JMJD1C: variants seen among roughly 807,000 people sequenced by gnomAD.
The protein encoded by JMJD1C is jumonji domain containing 1C.
A neutral mutation model predicts 245.3 loss-of-function variants in JMJD1C; 31 were observed. The ratio of observed to expected loss-of-function variants is 0.13; its 90% CI spans 0.09 to 0.17. JMJD1C has a LOEUF of 0.17. Ranked by LOEUF, JMJD1C falls within the 10% of genes least tolerant of loss-of-function variation. The probability of loss-of-function intolerance (pLI) is 1.00; values close to 1 mark genes in which losing one functional copy is unlikely to be tolerated. For missense variants in JMJD1C, 2,691 were observed against 3,000.2 expected, an observed-to-expected ratio of 0.90 and a Z score of 2.41; for synonymous variants, 1,057 against 1,017.4, an observed-to-expected ratio of 1.04 and a Z score of -0.74.
At chr10:63,502,096 T>C (rs568069267) in intron 1 of JMJD1C, among the ~76,000 whole-genome samples, 2 of 152,362 alleles carry the variant, frequency 1.3e-5, no homozygotes, top group South Asian at 2.1e-4. Context: ...CATTCATTTC[T>C]ATATTGATTC....
chr10:63,244,770 C>T (rs1851950758), intron 3 of JMJD1C, among the ~76,000 whole-genome samples: 2 of 143,394 alleles, frequency 1.4e-5, no homozygotes, highest in South Asian at 4.3e-4. Flanking sequence ...CCACTGCATT[C>T]CACATCACCC....
At chr10:63,293,553 T>C (rs1430743662) in intron 2 of JMJD1C, among the ~76,000 whole-genome samples, 2 of 152,142 alleles carry the variant, frequency 1.3e-5, no homozygotes, top group Non-Finnish European at 2.9e-5. Context: ...TGTCATAAAA[T>C]AGGGCCTGAA....
At chr10:63,439,691 T>C (rs1951254781) in intron 1 of JMJD1C, among the ~76,000 whole-genome samples, 1 of 152,184 alleles carries the variant, frequency 6.6e-6, no homozygotes, top group African/African-American at 2.4e-5. Context: ...TTATTTTATT[T>C]AGGTAAATAA....
At chr10:63,248,861 T>C (rs1301294100) in intron 3 of JMJD1C, among the ~76,000 whole-genome samples, 1 of 152,222 alleles carries the variant, frequency 6.6e-6, no homozygotes, top group Non-Finnish European at 1.5e-5. Context: ...ATAGGAAATG[T>C]GGTATACGTA....
At chr10:63,209,000 A>G in intron 9 of JMJD1C, 63 bp downstream of exon 9, 1 of 1,394,128 alleles carries the variant, frequency 7.2e-7, no homozygotes, top group Non-Finnish European at 9.9e-7. Context: ...TAACTATTTA[A>G]AAGGCAAATT....
intron 2 of JMJD1C, among the ~76,000 whole-genome samples, chr10:63,331,142 T>TA (rs1231272132): frequency 2.0e-5 from 3 of 152,238 alleles, no homozygotes; most frequent in Non-Finnish European, 4.4e-5. Context: ...TATAATATGC[T>TA]AAAACAAAGT....
intron 2 of JMJD1C, among the ~76,000 whole-genome samples, chr10:63,281,635 T>A (rs572329881): frequency 3.3e-5 from 5 of 151,638 alleles, no homozygotes; most frequent in African/African-American, 1.2e-4. Context: ...CACACTTGGC[T>A]AACTTTTTGT....
rs568351591 is a variant in JMJD1C at position 63,436,653 on chromosome 10, T to C, written c.168+28842A>G. 2.0e-5 allele frequency among the ~76,000 whole-genome samples: 3 copies of C among 152,334 alleles called. No homozygotes were observed. In the South Asian group the frequency reaches 6.2e-4, roughly 32 times the overall value. On this transcript the variant is annotated intron_variant, in intron 1 of 25. Transcript: ENST00000399262. Reference sequence around the variant, plus strand: ...ATTTCAGTATCCACAGTGATGACTGTTTTAATTGTTCCATTTCTCATTTCT... The same window carrying C: ...ATTTCAGTATCCACAGTGATGACTGCTTTAATTGTTCCATTTCTCATTTCT...
intron 23 of JMJD1C, chr10:63,177,445 C>G: frequency 5.8e-6 from 2 of 344,222 alleles, no homozygotes; most frequent in Non-Finnish European, 1.0e-5. Context: ...CAACTAATAT[C>G]TGGCTCAAGA....
chr10:63,508,525 T>C (rs1265887264), intron 1 of JMJD1C, among the ~76,000 whole-genome samples: 1 of 152,196 alleles, frequency 6.6e-6, no homozygotes, highest in Admixed American at 6.5e-5. Context: ...AGTAACTTAG[T>C]GGGATTTTGA....
intron 2 of JMJD1C, among the ~76,000 whole-genome samples, chr10:63,319,129 G>T (rs577878534): frequency 6.1e-4 from 92 of 151,772 alleles, no homozygotes; most frequent in African/African-American, 2.1e-3. Flanking sequence ...GTGTGGTGGT[G>T]GCCTGTAGTC....
chr10:63,222,601 T>C lies in JMJD1C; in HGVS notation c.448-2618A>G, dbSNP rs184643063. 216 of 1,596,982 alleles carry C rather than the reference T, an allele frequency of 1.4e-4. No homozygotes were observed. The African/African-American group carries it at 2.6e-3, about 19-fold the overall frequency. On this transcript the variant is annotated intron_variant, in intron 3 of 25. Coordinates refer to ENST00000399262, the MANE Select transcript of JMJD1C (RefSeq NM_032776.3). ...AAACAAAATTACCAATGTTTCTTCATTGTCGAAACTCACATGCTGAATTTT... is the reference window on the plus strand; with the variant it reads ...AAACAAAATTACCAATGTTTCTTCACTGTCGAAACTCACATGCTGAATTTT...
chr10:63,344,468 T>C (rs1362651905), intron 2 of JMJD1C, among the ~76,000 whole-genome samples: 1 of 152,048 alleles, frequency 6.6e-6, no homozygotes, highest in Non-Finnish European at 1.5e-5. Context: ...TCAGAATGTA[T>C]CCCCTCCATT....
At chr10:63,398,769 G>A (rs1948672498) in intron 1 of JMJD1C, among the ~76,000 whole-genome samples, 2 of 152,068 alleles carry the variant, frequency 1.3e-5, no homozygotes, top group African/African-American at 4.8e-5. Flanking sequence ...TCAGCCACCT[G>A]AGTAACCTGG....
intron 18 of JMJD1C, among the ~76,000 whole-genome samples, chr10:63,188,192 A>C (rs545199745): frequency 6.6e-6 from 1 of 152,344 alleles, no homozygotes; most frequent in South Asian, 2.1e-4. Context: ...ATAATTATGA[A>C]AACAATTATT....
chr10:63,221,990 G>C (rs1215393572), intron 3 of JMJD1C, among the ~76,000 whole-genome samples: 2 of 152,050 alleles, frequency 1.3e-5, no homozygotes, highest in Non-Finnish European at 2.9e-5. Context: ...CCAAAGTGTT[G>C]GTATTACAGG....
chr10:63,448,947 T>G (rs1369907724), intron 1 of JMJD1C, among the ~76,000 whole-genome samples: 1 of 151,940 alleles, frequency 6.6e-6, no homozygotes, highest in East Asian at 2.0e-4. Flanking sequence ...TGAAACCCCT[T>G]CTCTACTAAA....
intron 1 of JMJD1C, among the ~76,000 whole-genome samples, chr10:63,515,578 C>T (rs374565873): frequency 2.0e-5 from 3 of 152,290 alleles, no homozygotes; most frequent in South Asian, 2.1e-4. Flanking sequence ...TTCTGATCCT[C>T]GGTTTCTGCT....
intron 1 of JMJD1C, among the ~76,000 whole-genome samples, chr10:63,501,494 C>A (rs955476894): frequency 6.6e-6 from 1 of 152,216 alleles, no homozygotes; most frequent in Non-Finnish European, 1.5e-5. Flanking sequence ...AAGAATAATA[C>A]CGGCTAGACA....
Sources: gnomAD v4.1 joint callset for allele counts (sites outside exome capture counted in the v4.1 genomes callset) on GRCh38, gnomAD v4.1.1 for gene constraint, MANE v1.5 for transcripts, NCBI Gene and HGNC (gene_info 2026-07-23, HGNC 2026-07-21) for gene names.